The following TMC5 variants were observed in gnomAD, a reference collection of about 807,000 sequenced individuals.
The protein encoded by TMC5 is transmembrane channel like 5, also known as transmembrane channel-like protein 5.
In TMC5, 86 loss-of-function variants were observed where a neutral mutation model predicts 110.5. The observed-to-expected ratio is 0.78, with a 90% CI of 0.65 to 0.93. The LOEUF (loss-of-function observed/expected upper bound fraction) is 0.93. Among genes scored for constraint, TMC5 ranks in the 40% least tolerant of loss-of-function variants. The pLI is 0.00. For synonymous variants in TMC5, 455 were observed against 439.5 expected (o/e 1.04, Z -0.44); for missense variants, 1,144 against 1,222.8 (o/e 0.94, Z 0.96).
intron 15 of TMC5, among the ~76,000 whole-genome samples, chr16:19,483,427 C>T (rs1054636311): frequency 6.6e-6 from 1 of 152,184 alleles, no homozygotes; most frequent in African/African-American, 2.4e-5. Flanking sequence ...CTCTGCCACT[C>T]ATGGAGATCA....
At chr16:19,419,527 C>T (rs996601720) in intron 1 of TMC5, among the ~76,000 whole-genome samples, 1 of 149,814 alleles carries the variant, frequency 6.7e-6, no homozygotes, top group Non-Finnish European at 1.5e-5. Context: ...ATTCTCCTGC[C>T]TCAGCCTCCG....
intron 12 of TMC5, chr16:19,474,694 G>A (rs569370113): frequency 7.6e-4 from 134 of 175,896 alleles, no homozygotes; most frequent in South Asian, 2.3e-3. Flanking sequence ...AGAGTGAAGT[G>A]TGTTTGTGTG....
chr16:19,497,930 TAGA>T lies in TMC5; in HGVS notation c.2989_2991del (p.Arg997del). On this transcript the variant is annotated inframe_deletion, in exon 22 of 22. Transcript: ENST00000542583. ...CTGTGTCAAACCTAGACTTGCGATC[TAGA>T]AGATCAGTTCAAGAAGGTAATCCAA... 3 of 1,614,048 alleles carry T rather than the reference TAGA, an allele frequency of 1.9e-6. No homozygotes were observed. Among genetic ancestry groups the T allele is most frequent in the Admixed American group, 1.7e-5 (1 of 59,988 alleles).
intron 5 of TMC5, chr16:19,456,807 A>G (rs777199795): frequency 6.2e-7 from 1 of 1,614,184 alleles, no homozygotes; most frequent in South Asian, 1.1e-5. Context: ...TTTCAAGAAA[A>G]GGTGCTGCTA....
In TMC5 at chr16:19,423,064, C is replaced by T. The variant is rs1224816828; in HGVS notation, c.-308+4972C>T. On this transcript the variant is annotated intron_variant, in intron 1 of 21. Coordinates refer to ENST00000542583, the MANE Select transcript of TMC5 (RefSeq NM_001261841.2). ...GATGGAGCCCAGCAGTTAGAGGCTC[C>T]AGTGAACTGTGGTTGCACCGCTGCA... 2.6e-5 allele frequency among the ~76,000 whole-genome samples: 4 copies of T among 152,344 alleles called. No homozygotes were observed. The Middle Eastern group carries it at 0.01, about 389-fold the overall frequency.
chr16:19,440,133 C>G lies in TMC5; in HGVS notation c.95C>G (p.Thr32Ser), dbSNP rs1327146932. Residue 32 changes from threonine (T) to serine (S), a missense_variant, in exon 3 of 22, where the codon ACT becomes AGT. Transcript: ENST00000542583. ...AACCGTACGCAGGGGTATTTGAAAA[C>G]TCAAGGTTATCCAGATGTTCCAGGT... ...SQNRTQGYLK[T>S]QGYPDVPGPL... The G allele has an allele frequency of 6.2e-7, 1 of 1,614,026 alleles. No individual in the cohort carries two copies. The highest frequency in any genetic ancestry group is 8.5e-7 in the Non-Finnish European group (1 of 1,180,036).
Position 19,494,266 on chromosome 16 carries a change from G to T in TMC5, c.2831G>T (p.Gly944Val), listed in dbSNP as rs1480417974. ...RLLHEQIINE[G>V]KDKMFLIEKL... is the part of the protein sequence containing the mutation. ...TTTTGTTTTCCTTCTTGGTAGGAGG[G>T]CAAAGATAAAATGTTCCTGATAGAA... Residue 944 changes from glycine (G) to valine (V), a missense_variant, in exon 20 of 22, where the codon GGC (glycine) becomes GTC (valine). Gly to Val is a moderately radical substitution (Grantham distance 109). Transcript: ENST00000542583. 1 of 1,610,130 alleles carries T rather than the reference G, an allele frequency of 6.2e-7. No homozygotes were observed. The highest frequency in any genetic ancestry group is 1.7e-5 in the Admixed American group (1 of 59,476).
At chr16:19,492,337 T>A in intron 19 of TMC5, 109 bp downstream of exon 19, 1 of 640,222 alleles carries the variant, frequency 1.6e-6, no homozygotes, top group African/African-American at 1.8e-5. Context: ...ATCCCTGCTC[T>A]CAGCCCTAAC....
At chr16:19,496,366 C>T (rs750620563) in intron 20 of TMC5, among the ~76,000 whole-genome samples, 28 of 152,054 alleles carry the variant, frequency 1.8e-4, no homozygotes, top group Non-Finnish European at 4.0e-4. Context: ...TACAGATGAA[C>T]AGTAAATCCA....
In TMC5 at chr16:19,490,532, G is replaced by A. The variant is rs1450174474; in HGVS notation, c.2711G>A (p.Ser904Asn). The A allele has an allele frequency of 5.0e-6, 8 of 1,613,998 alleles. No individual in the cohort carries two copies. Among genetic ancestry groups the A allele is most frequent in the African/African-American group, 2.7e-5 (2 of 74,888 alleles). ...TGGATCTATCGGAACCTCATTGGAAGTGTGCACTTCTTTTTCATCCTCACC... is the reference window on the plus strand; with the variant it reads ...TGGATCTATCGGAACCTCATTGGAAATGTGCACTTCTTTTTCATCCTCACC... ...VVWIYRNLIG[S>N]VHFFFILTLI... Residue 904 changes from serine to asparagine, a missense_variant, in exon 18 of 22, where the codon AGT becomes AAT. Transcript: ENST00000542583.
At chr16:19,492,297 A>G in intron 19 of TMC5, 69 bp downstream of exon 19, 1 of 1,076,410 alleles carries the variant, frequency 9.3e-7, no homozygotes, top group Non-Finnish European at 1.4e-6. Context: ...CATCCTCCAA[A>G]ATAAAGAGAA....
intron 2 of TMC5, among the ~76,000 whole-genome samples, chr16:19,433,953 G>A (rs1463958770): frequency 2.8e-5 from 4 of 141,794 alleles, no homozygotes; most frequent in African/African-American, 1.0e-4. Flanking sequence ...CTGAGTAGCT[G>A]AGATTACAGG....
intron 8 of TMC5, among the ~76,000 whole-genome samples, chr16:19,465,060 CCTTCCTT>C (rs1968143395): frequency 6.7e-5 from 7 of 103,770 alleles, no homozygotes; most frequent in Non-Finnish European, 1.2e-4. Flanking sequence ...TCTTTCTTTT[CCTTCCTT>C]CCTTCCTTCC....
intron 15 of TMC5, among the ~76,000 whole-genome samples, chr16:19,482,258 A>G (rs1293776035): frequency 6.6e-6 from 1 of 151,988 alleles, no homozygotes; most frequent in Non-Finnish European, 1.5e-5. Context: ...GGGTTTCATC[A>G]TGTTGGCCAG....
At chr16:19,472,354 A>G in intron 11 of TMC5, 111 bp downstream of exon 11, 1 of 1,228,952 alleles carries the variant, frequency 8.1e-7, no homozygotes, top group Non-Finnish European at 1.2e-6. Flanking sequence ...GGCCAGCAGC[A>G]TCAGCACTAG....
chr16:19,440,032 T>C lies in TMC5; in HGVS notation c.-7T>C, dbSNP rs142462236. 23,402 of 1,609,324 alleles carry C rather than the reference T, an allele frequency of 0.015. 245 individuals are homozygous for C. Among genetic ancestry groups the C allele is most frequent in the Non-Finnish European group, 0.016 (18,736 of 1,177,362 alleles). ...TTACCACTCCAGGGTGAAGAGTCCATACCAACATGTCTGCCTACTACAGGA... is the reference window on the plus strand; with the variant it reads ...TTACCACTCCAGGGTGAAGAGTCCACACCAACATGTCTGCCTACTACAGGA... On this transcript the variant is annotated 5_prime_UTR_variant, in exon 3 of 22. Transcript: ENST00000542583.
chr16:19,487,751 ATAAATAAT>A (rs1447392802), intron 17 of TMC5: 15 of 133,234 alleles, frequency 1.1e-4, no homozygotes, highest in African/African-American at 3.6e-4. Context: ...AAATAAATAA[ATAAATAAT>A]GTAGGTATGG....
intron 13 of TMC5, 60 bp downstream of exon 13, chr16:19,477,578 G>C (rs1397376020): frequency 5.9e-6 from 7 of 1,182,526 alleles, no homozygotes; most frequent in African/African-American, 1.5e-5. Context: ...CAACAGGGAG[G>C]ACAGGGGTTT....
At position 19,487,229 on chromosome 16, in the gene TMC5, G is replaced by A. The variant is rs745604947; in HGVS notation, c.2476G>A (p.Ala826Thr). ...LMMNFQPPSK[A>T]WRASQMMTFF... Reference sequence around the variant, plus strand: ...GATGAATTTCCAGCCTCCGAGCAAAGCCTGGCGGGCCTCACAGATGATGAC... The same window carrying A: ...GATGAATTTCCAGCCTCCGAGCAAAACCTGGCGGGCCTCACAGATGATGAC... Residue 826 changes from alanine to threonine, a missense_variant, in exon 17 of 22, where the codon GCC becomes ACC. Transcript: ENST00000542583. 3 of 1,613,994 alleles carry A rather than the reference G, an allele frequency of 1.9e-6. No homozygotes were observed.
Sources: gnomAD v4.1 joint callset for allele counts (sites outside exome capture counted in the v4.1 genomes callset) on GRCh38, gnomAD v4.1.1 for gene constraint, MANE v1.5 for transcripts, NCBI Gene and HGNC (gene_info 2026-07-23, HGNC 2026-07-21) for gene names.